The following DENND3 variants were observed in gnomAD, a reference collection of about 807,000 sequenced individuals.
DENND3 encodes the protein DENN domain containing 3.
Under a neutral mutation model 135.1 loss-of-function variants are expected in DENND3, and 88 were observed. That is an observed-to-expected ratio of 0.65 (90% CI 0.55 to 0.78). The LOEUF is 0.78. Ranked by LOEUF, DENND3 falls within the 30% of genes least tolerant of loss-of-function variation. The pLI, the probability that DENND3 is intolerant of heterozygous loss-of-function variation, is 0.00. For missense variants in DENND3, 1,392 were observed against 1,688.4 expected (o/e 0.82, Z 3.08); for synonymous variants, 693 against 712.3 (o/e 0.97, Z 0.43).
In DENND3 at chr8:141,182,254, C is replaced by T. The variant is rs534100914; in HGVS notation, c.2944+1400C>T. The stretch of plus-strand genomic sequence containing the variant: ...CCATTCACACACGGAGCTCATGCTT[C>T]AGGTGGGCAGAGAAGCTGTGTGTGA... On this transcript the variant is annotated intron_variant, in intron 17 of 22. Coordinates refer to ENST00000519811, the MANE Select transcript of DENND3 (RefSeq NM_001352890.3). The surrounding 1 kb of genome is among the most constrained non-coding windows in gnomAD (Gnocchi z 5.9). 1 of 966,590 alleles carries T rather than the reference C, an allele frequency of 1.0e-6. No homozygotes were observed. Among genetic ancestry groups the T allele is most frequent in the East Asian group, 1.1e-4 (1 of 8,696 alleles). 59.9% of individuals were successfully genotyped at this position (966,590 alleles called of 1,614,324 possible). A position where few individuals can be genotyped will look rare whatever the true frequency, so the allele number is the denominator to read the frequency against.
intron 6 of DENND3, among the ~76,000 whole-genome samples, chr8:141,151,259 G>T (rs1346582110): frequency 6.6e-6 from 1 of 152,142 alleles, no homozygotes; most frequent in East Asian, 1.9e-4. Context: ...TTATTGTACT[G>T]AATCAGAAGT....
chr8:141,148,511 G>A (rs568148634), intron 5 of DENND3, among the ~76,000 whole-genome samples: 3 of 152,112 alleles, frequency 2.0e-5, no homozygotes, highest in East Asian at 1.9e-4. Context: ...CTCTTGTACC[G>A]TATCTGAGTC....
At chr8:141,180,939 G>A in intron 17 of DENND3, 85 bp downstream of exon 17, 2 of 1,068,944 alleles carry the variant, frequency 1.9e-6, no homozygotes, top group Non-Finnish European at 2.7e-6. Context: ...GCCCTGAAGT[G>A]AAAGGGGAGC....
At position 141,167,621 on chromosome 8, in the gene DENND3, C is replaced by A. The variant is rs1251243217; in HGVS notation, c.1754-383C>A. The stretch of plus-strand genomic sequence containing the variant: ...GGACTATAGTAATAATACCCCTGTC[C>A]TGAGTTGTCTTTAAGGTAAATGAAA... On this transcript the variant is annotated intron_variant, in intron 12 of 22. Coordinates refer to ENST00000519811, the MANE Select transcript of DENND3 (RefSeq NM_001352890.3). The surrounding 1 kb of genome is among the most constrained non-coding windows in gnomAD (Gnocchi z 4.1). Among the ~76,000 whole-genome samples, 1 of 152,170 alleles carries A rather than the reference C, an allele frequency of 6.6e-6. No individual in the cohort carries two copies. Among genetic ancestry groups the A allele is most frequent in the Non-Finnish European group, 1.5e-5 (1 of 68,032 alleles).
Position 141,192,657 on chromosome 8 carries a change from G to A in DENND3, c.3630G>A (p.Lys1210=). Residue 1210 remains lysine (K), a synonymous_variant, in exon 22 of 23, where the codon AAG becomes AAA. Transcript: ENST00000519811. ...CSEINCMIRV[K]KQVWVGSRGL... is the part of the protein sequence containing the mutation. Reference sequence around the variant, plus strand: ...AGATCAACTGCATGATCCGGGTGAAGAAGCAGGTAGGGTGGAGGGCCCGCC... The same window carrying A: ...AGATCAACTGCATGATCCGGGTGAAAAAGCAGGTAGGGTGGAGGGCCCGCC... 6.2e-7 allele frequency: 1 copy of A among 1,606,598 alleles called. No homozygotes were observed. The highest frequency in any genetic ancestry group is 8.5e-7 in the Non-Finnish European group (1 of 1,175,192).
Position 141,190,130 on chromosome 8 carries a change from G to C in DENND3, c.3246-154G>C, listed in dbSNP as rs549311558. Among the ~76,000 whole-genome samples, 36 of 148,334 alleles carry C rather than the reference G, an allele frequency of 2.4e-4. No individual in the cohort carries two copies. In the East Asian group the frequency reaches 7.1e-3, roughly 29 times the overall value. On this transcript the variant is annotated intron_variant, in intron 19 of 22. Transcript: ENST00000519811. Reference sequence around the variant, plus strand: ...ATCATGTTTGCAGGTTACGTTTGCAGGTTATTATGTTTGCATGTTATTATC... The same window carrying C: ...ATCATGTTTGCAGGTTACGTTTGCACGTTATTATGTTTGCATGTTATTATC...
intron 13 of DENND3, among the ~76,000 whole-genome samples, chr8:141,170,277 G>A (rs1170953938): frequency 1.3e-5 from 2 of 152,166 alleles, no homozygotes; most frequent in Admixed American, 6.5e-5. Context: ...TCTCTCTTCC[G>A]GCTGTGAAAC....
chr8:141,180,717 C>T (rs762186942), intron 16 of DENND3, 30 bp from the exon 17 acceptor site: 2 of 1,597,220 alleles, frequency 1.3e-6, no homozygotes, highest in Non-Finnish European at 1.7e-6. Flanking sequence ...GAGGCTGCAA[C>T]AGTAACACTC....
chr8:141,154,914 G>A lies in DENND3; in HGVS notation c.1075-935G>A, dbSNP rs533695651. 2.6e-4 allele frequency among the ~76,000 whole-genome samples: 40 copies of A among 152,282 alleles called. No homozygotes were observed. Among genetic ancestry groups the A allele is most frequent in the African/African-American group, 9.6e-4 (40 of 41,544 alleles). Reference sequence around the variant, plus strand: ...AAGGCATATGGGTAAGCAAAATGTGGTCTTTCCAAATAATGGACTATTCAG... The same window carrying A: ...AAGGCATATGGGTAAGCAAAATGTGATCTTTCCAAATAATGGACTATTCAG... On this transcript the variant is annotated intron_variant, in intron 7 of 22. Transcript: ENST00000519811. The surrounding 1 kb of genome is among the most constrained non-coding windows in gnomAD (Gnocchi z 4.4).
chr8:141,166,285 T>C lies in DENND3; in HGVS notation c.1649T>C (p.Val550Ala). ...SHLHVTHRRM[V>A]VSMPNLQDIA... ...CTGCATGTCACCCACAGGCGCATGGTGGTCAGCATGCCCAACCTGCAGGAC... is the reference window on the plus strand; with the variant it reads ...CTGCATGTCACCCACAGGCGCATGGCGGTCAGCATGCCCAACCTGCAGGAC... Residue 550 changes from valine (V) to alanine (A), a missense_variant, in exon 12 of 23, where the codon GTG becomes GCG. Transcript: ENST00000519811. The surrounding 1 kb of genome is among the most constrained non-coding windows in gnomAD (Gnocchi z 4.3). 1 of 1,614,012 alleles carries C rather than the reference T, an allele frequency of 6.2e-7. No individual in the cohort carries two copies. Among genetic ancestry groups the C allele is most frequent in the South Asian group, 1.1e-5 (1 of 91,076 alleles).
Position 141,144,192 on chromosome 8 carries a change from G to A in DENND3, c.668G>A (p.Ser223Asn), listed in dbSNP as rs307761. ...CCCTGTAAAGATTTTGAAGTGGACAGTCATATAAAAGATTTCGCTGCGAAG... is the reference window on the plus strand; with the variant it reads ...CCCTGTAAAGATTTTGAAGTGGACAATCATATAAAAGATTTCGCTGCGAAG... ...LKPCKDFEVD[S>N]HIKDFAAKLS... The change falls in exon 5 of 23, where the codon AGT becomes AAT. Residue 223 changes from serine (S) to asparagine (N), a missense_variant. Coordinates refer to ENST00000519811, the MANE Select transcript of DENND3 (RefSeq NM_001352890.3). The surrounding 1 kb of genome is among the most constrained non-coding windows in gnomAD (Gnocchi z 4.4). The A allele has an allele frequency of 0.14, 229,250 of 1,613,090 alleles. 25,927 individuals are homozygous for A. The highest frequency in any genetic ancestry group is 0.51 in the African/African-American group (38,341 of 74,900).
In DENND3 at chr8:141,137,982, G is replaced by T; in HGVS notation, c.386-40G>T. 6.4e-7 allele frequency: 1 copy of T among 1,556,034 alleles called. No homozygotes were observed. Among genetic ancestry groups the T allele is most frequent in the Non-Finnish European group, 8.7e-7 (1 of 1,148,294 alleles). ...AGCTCGTGGGTAACCCAGGCCACTT[G>T]GCAAGAACAGGATTCTTCTCTGTCT... On this transcript the variant is annotated intron_variant, in intron 2 of 22. Coordinates refer to ENST00000519811, the MANE Select transcript of DENND3 (RefSeq NM_001352890.3). This position sits in a 1 kb window ranked among gnomAD's most constrained non-coding sequence, Gnocchi z 4.1.
chr8:141,168,626 A>G lies in DENND3; in HGVS notation c.2275+101A>G. 1.4e-6 allele frequency: 2 copies of G among 1,397,478 alleles called. No individual in the cohort carries two copies. Among genetic ancestry groups the G allele is most frequent in the Middle Eastern group, 4.6e-4 (2 of 4,368 alleles). The allele number at this position is 1,397,478 out of a possible 1,614,324, so 86.6% of individuals were successfully genotyped here. On this transcript the variant is annotated intron_variant, in intron 13 of 22. Transcript: ENST00000519811. This position sits in a 1 kb window ranked among gnomAD's most constrained non-coding sequence, Gnocchi z 6.2. Reference sequence around the variant, plus strand: ...GGACTGGCAATCACAGCTCACTGCAACCTCCACCTCCTGGGCTCAAGCAGT... The same window carrying G: ...GGACTGGCAATCACAGCTCACTGCAGCCTCCACCTCCTGGGCTCAAGCAGT...
chr8:141,133,718 GC>G (rs1048227374), intron 1 of DENND3, among the ~76,000 whole-genome samples: 1 of 151,014 alleles, frequency 6.6e-6, no homozygotes, highest in Non-Finnish European at 1.5e-5. Flanking sequence ...GCATGGTGGG[GC>G]TGGGGCCCGA....
intron 7 of DENND3, 39 bp downstream of exon 7, chr8:141,151,876 T>C (rs1818833359): frequency 6.2e-7 from 1 of 1,600,306 alleles, no homozygotes; most frequent in Non-Finnish European, 8.6e-7. Flanking sequence ...GCTAAATTCC[T>C]GTGAGTCCAT....
Position 141,176,913 on chromosome 8 carries a change from G to A in DENND3, c.2706+152G>A, listed in dbSNP as rs201406609. The A allele has an allele frequency of 8.1e-5, 67 of 828,394 alleles. No individual in the cohort carries two copies. The East Asian group carries it at 1.8e-3, about 22-fold the overall frequency. 51.3% of individuals were successfully genotyped at this position (828,394 alleles called of 1,614,324 possible). A position where few individuals can be genotyped will look rare whatever the true frequency, so the allele number is the denominator to read the frequency against. On this transcript the variant is annotated intron_variant, in intron 15 of 22. Transcript: ENST00000519811. The stretch of plus-strand genomic sequence containing the variant: ...AAGTTTGTCGGACACCATCTTGACA[G>A]AAGCATTGAAGATGTGGTCTGTGTG...
intron 22 of DENND3, chr8:141,193,375 T>C: frequency 6.4e-6 from 1 of 155,316 alleles, no homozygotes; most frequent in Non-Finnish European, 1.4e-5. Flanking sequence ...GCCCCAAATC[T>C]CCAAGTGAAG....
rs1173046458 is a variant in DENND3 at position 141,141,042 on chromosome 8, C to T, written c.502-161C>T. The stretch of plus-strand genomic sequence containing the variant: ...TGGTGCAAGCACCAAATAGGGACCC[C>T]GTAGACTTCGACCGGAGGGCCGGTG... On this transcript the variant is annotated intron_variant, in intron 3 of 22. Coordinates refer to ENST00000519811, the MANE Select transcript of DENND3 (RefSeq NM_001352890.3). The surrounding 1 kb of genome is among the most constrained non-coding windows in gnomAD (Gnocchi z 5.3). Among the ~76,000 whole-genome samples, 1 of 152,336 alleles carries T rather than the reference C, an allele frequency of 6.6e-6. No homozygotes were observed. The highest frequency in any genetic ancestry group is 1.9e-4 in the East Asian group (1 of 5,182).
intron 11 of DENND3, among the ~76,000 whole-genome samples, chr8:141,165,631 A>G (rs1195699333): frequency 6.6e-6 from 1 of 151,836 alleles, no homozygotes; most frequent in African/African-American, 2.4e-5. Flanking sequence ...TGCCCGGCTA[A>G]TTTTTGTATT....
Sources: allele counts gnomAD v4.1 joint callset (sites outside exome capture counted in the v4.1 genomes callset), GRCh38; gene constraint gnomAD v4.1.1; non-coding constraint Gnocchi (gnomAD v3.1); transcripts MANE v1.5; gene names NCBI Gene and HGNC (gene_info 2026-07-23, HGNC 2026-07-21).